CTNNBL1: variants seen among roughly 807,000 people sequenced by gnomAD.
CTNNBL1 encodes the protein catenin beta like 1, also known as beta-catenin-like protein 1.
CTNNBL1 carries 31 observed loss-of-function variants against 72.7 expected under a neutral mutation model. The observed-to-expected ratio is 0.43, with a 90% CI of 0.32 to 0.58. The LOEUF is 0.58. Ranked by LOEUF, CTNNBL1 falls within the 20% of genes least tolerant of loss-of-function variation. The pLI is 0.08. For synonymous variants in CTNNBL1, 240 were observed against 267.3 expected, an observed-to-expected ratio of 0.90 and a Z score of 1.00; for missense variants, 534 against 725.1, an observed-to-expected ratio of 0.74 and a Z score of 3.03.
chr20:37,759,934 A>G (rs1469437018), intron 5 of CTNNBL1, among the ~76,000 whole-genome samples: 1 of 152,262 alleles, frequency 6.6e-6, no homozygotes, highest in Non-Finnish European at 1.5e-5. Context: ...AGCAGAGGCT[A>G]GAGGGCATGT....
Position 37,701,662 on chromosome 20 carries a change from C to T in CTNNBL1, c.30+7510C>T, listed in dbSNP as rs116659433. Among the ~76,000 whole-genome samples the T allele has an allele frequency of 5.9e-3, 900 of 152,210 alleles. 6 individuals carry two copies. Among genetic ancestry groups the T allele is most frequent in the African/African-American group, 0.021 (856 of 41,526 alleles). On this transcript the variant is annotated intron_variant, in intron 1 of 15. Transcript: ENST00000361383. ...TGTGGGTGGTAAAGGACACTGGGGA[C>T]AGTGATTCTTGACTGGCATTATTAA... is the stretch of plus-strand genomic sequence containing the variant.
In CTNNBL1 at chr20:37,802,961, A is replaced by G; in HGVS notation, c.1126A>G (p.Ile376Val). The G allele has an allele frequency of 6.2e-7, 1 of 1,614,202 alleles. No homozygotes were observed. Among genetic ancestry groups the G allele is most frequent in the Non-Finnish European group, 8.5e-7 (1 of 1,180,010 alleles). The change falls in exon 11 of 16, where the codon ATT becomes GTT. Residue 376 changes from isoleucine to valine, a missense_variant. Transcript: ENST00000361383. ...AGACAACTGCCATAAGTTTGTTGAC[A>G]TTCTTGGCTTACGAACCATCTTTCC... ...GTDNCHKFVD[I>V]LGLRTIFPLF...
At chr20:37,842,755 C>T (rs138692672) in intron 13 of CTNNBL1, among the ~76,000 whole-genome samples, 1 of 152,306 alleles carries the variant, frequency 6.6e-6, no homozygotes, top group African/African-American at 2.4e-5. Context: ...TCTTAGTACT[C>T]ACACTTGCTG....
At chr20:37,840,292 T>C in intron 12 of CTNNBL1, 93 bp downstream of exon 12, 1 of 915,352 alleles carries the variant, frequency 1.1e-6, no homozygotes, top group Non-Finnish European at 1.7e-6. Flanking sequence ...TGAGTGGTCC[T>C]ACCCTAAAAT....
chr20:37,723,031 C>T (rs2073054144), intron 1 of CTNNBL1, among the ~76,000 whole-genome samples: 1 of 152,098 alleles, frequency 6.6e-6, no homozygotes, highest in Non-Finnish European at 1.5e-5. Context: ...AGTAATCTGC[C>T]TATGTTAGTT....
intron 5 of CTNNBL1, among the ~76,000 whole-genome samples, chr20:37,759,529 T>C (rs1300853854): frequency 6.6e-6 from 1 of 152,170 alleles, no homozygotes; most frequent in African/African-American, 2.4e-5. Flanking sequence ...TCTTGGCAGA[T>C]TTTATTGTTT....
chr20:37,804,455 G>A (rs1600498461), intron 11 of CTNNBL1, among the ~76,000 whole-genome samples: 1 of 152,118 alleles, frequency 6.6e-6, no homozygotes, highest in Non-Finnish European at 1.5e-5. Context: ...CGAGCTGTGG[G>A]TTCTACAGCT....
At chr20:37,700,710 A>G (rs1233429580) in intron 1 of CTNNBL1, among the ~76,000 whole-genome samples, 1 of 152,098 alleles carries the variant, frequency 6.6e-6, no homozygotes, top group African/African-American at 2.4e-5. Context: ...ACTCCAGGGC[A>G]CTCTCATTAA....
intron 1 of CTNNBL1, among the ~76,000 whole-genome samples, chr20:37,732,001 A>G (rs2073132931): frequency 6.6e-6 from 1 of 152,150 alleles, no homozygotes; most frequent in African/African-American, 2.4e-5. Flanking sequence ...GTTTTCCATC[A>G]TGGCTGTATT....
At chr20:37,724,460 TA>T (rs2073066386) in intron 1 of CTNNBL1, among the ~76,000 whole-genome samples, 1 of 152,102 alleles carries the variant, frequency 6.6e-6, no homozygotes. Context: ...AAGGAGAGTG[TA>T]AGTGGAAAGG....
intron 14 of CTNNBL1, 25 bp from the exon 15 acceptor site, chr20:37,860,247 C>G (rs2072480325): frequency 2.2e-5 from 35 of 1,600,282 alleles, no homozygotes; most frequent in Non-Finnish European, 2.7e-5. Flanking sequence ...GTCTTTCTTT[C>G]TCTACCCATT....
intron 13 of CTNNBL1, among the ~76,000 whole-genome samples, chr20:37,844,077 T>C (rs2072327103): frequency 1.3e-5 from 2 of 152,212 alleles, no homozygotes; most frequent in Non-Finnish European, 2.9e-5. Context: ...GGTTGTTAAA[T>C]TGTGGGAATA....
At chr20:37,815,955 A>C (rs905745930) in intron 11 of CTNNBL1, among the ~76,000 whole-genome samples, 1 of 152,210 alleles carries the variant, frequency 6.6e-6, no homozygotes, top group Non-Finnish European at 1.5e-5. Flanking sequence ...TTTTATACGC[A>C]GCAGCCTGCA....
intron 1 of CTNNBL1, among the ~76,000 whole-genome samples, chr20:37,718,243 C>G (rs1479155820): frequency 2.1e-5 from 3 of 143,584 alleles, no homozygotes; most frequent in Admixed American, 2.1e-4. Flanking sequence ...GGGGCTGACC[C>G]CCCCACCTCC....
chr20:37,830,182 A>G (rs2122789138), intron 11 of CTNNBL1, among the ~76,000 whole-genome samples: 1 of 152,182 alleles, frequency 6.6e-6, no homozygotes, highest in East Asian at 1.9e-4. Context: ...AAAAATTTGT[A>G]TATTTAAGGT....
intron 11 of CTNNBL1, among the ~76,000 whole-genome samples, chr20:37,838,761 C>T (rs938784464): frequency 6.6e-6 from 1 of 152,132 alleles, no homozygotes; most frequent in African/African-American, 2.4e-5. Flanking sequence ...GTGTTGTGCA[C>T]CTGTAATCCC....
At chr20:37,864,261 T>C (rs1040694788) in intron 15 of CTNNBL1, among the ~76,000 whole-genome samples, 1 of 137,096 alleles carries the variant, frequency 7.3e-6, no homozygotes, top group African/African-American at 2.7e-5. Flanking sequence ...AACCAGCTCA[T>C]CAGTCTGTCC....
intron 15 of CTNNBL1, among the ~76,000 whole-genome samples, chr20:37,862,101 AAG>A (rs2072496099): frequency 7.7e-6 from 1 of 130,344 alleles, no homozygotes; most frequent in Non-Finnish European, 1.6e-5. Flanking sequence ...CTCAGAGAAA[AAG>A]AGAGTAAAGG....
intron 7 of CTNNBL1, among the ~76,000 whole-genome samples, chr20:37,775,617 T>G (rs1006053185): frequency 1.3e-5 from 2 of 152,232 alleles, no homozygotes; most frequent in African/African-American, 4.8e-5. Context: ...CAAAATTAAT[T>G]TTAATTCAGT....
Sources: gnomAD v4.1 joint callset for allele counts (sites outside exome capture counted in the v4.1 genomes callset) on GRCh38, gnomAD v4.1.1 for gene constraint, MANE v1.5 for transcripts, NCBI Gene and HGNC (gene_info 2026-07-23, HGNC 2026-07-21) for gene names.